Variants in TNRC6A observed in about 807,000 individuals in gnomAD.
The protein encoded by TNRC6A is trinucleotide repeat-containing gene 6A protein.
In TNRC6A, 44 loss-of-function variants were observed where a neutral mutation model predicts 221.2. That is an observed-to-expected ratio of 0.20 (90% CI 0.16 to 0.26). The LOEUF is 0.26. Ranked by LOEUF, TNRC6A falls within the 10% of genes least tolerant of loss-of-function variation. The pLI, the probability that TNRC6A is intolerant of heterozygous loss-of-function variation, is 1.00. For missense variants in TNRC6A, 2,199 were observed against 2,404.4 expected, an observed-to-expected ratio of 0.91 and a Z score of 1.79; for synonymous variants, 847 against 838.5, an observed-to-expected ratio of 1.01 and a Z score of -0.18.
At chr16:24,662,820 C>T (rs557698645) in intron 2 of TNRC6A, 14 of 153,714 alleles carry the variant, frequency 9.1e-5, no homozygotes, top group South Asian at 6.2e-4. Flanking sequence ...AACTCCTCGT[C>T]CTGGTTCTGG....
intron 1 of TNRC6A, among the ~76,000 whole-genome samples, chr16:24,627,889 G>A (rs1901113588): frequency 6.6e-6 from 1 of 150,420 alleles, no homozygotes; most frequent in Non-Finnish European, 1.5e-5. Context: ...AGTAGAGATG[G>A]GGTTTCATCG....
rs768726791 is a variant in TNRC6A at position 24,777,282 on chromosome 16, C to A, written c.513C>A (p.Ser171Arg). The A allele has an allele frequency of 6.2e-7, 1 of 1,614,106 alleles. No individual in the cohort carries two copies. The change falls in exon 5 of 25, where the codon AGC (serine) becomes AGA (arginine). Residue 171 changes from serine (S) to arginine (R), a missense_variant. Physicochemically the swap from Ser to Arg is moderately radical, Grantham distance 110. This residue lies in a region of TNRC6A where 1,405 missense variants were observed against 1,400.2 expected (regional missense o/e 1.00). Transcript: ENST00000395799. ...GATCTGCTGTTAAGGTGTTAAACAGCCAGTCAGAAAGCAGTGCTTTAACAA... is the reference window on the plus strand; with the variant it reads ...GATCTGCTGTTAAGGTGTTAAACAGACAGTCAGAAAGCAGTGCTTTAACAA... ...NLGSAVKVLN[S>R]QSESSALTNQ... is the part of the protein sequence containing the mutation.
intron 2 of TNRC6A, among the ~76,000 whole-genome samples, chr16:24,684,677 T>C (rs958186189): frequency 2.7e-5 from 4 of 150,804 alleles, no homozygotes; most frequent in African/African-American, 9.7e-5. Context: ...GAAGTGACAG[T>C]TGTCTTTAGT....
chr16:24,810,199 G>A (rs572894930), intron 18 of TNRC6A, among the ~76,000 whole-genome samples: 1 of 152,232 alleles, frequency 6.6e-6, no homozygotes, highest in East Asian at 1.9e-4. Flanking sequence ...GGATTTAACA[G>A]TATTGTCTTT....
intron 2 of TNRC6A, among the ~76,000 whole-genome samples, chr16:24,669,173 G>C (rs2055237185): frequency 6.6e-6 from 1 of 151,978 alleles, no homozygotes. Context: ...GATGAGTTTG[G>C]GAAAATCCTG....
chr16:24,638,409 C>G (rs9938715), intron 1 of TNRC6A, among the ~76,000 whole-genome samples: 67,230 of 151,276 alleles, frequency 0.44, 15,188 homozygotes, highest in Middle Eastern at 0.54. Context: ...AAAGCAAGAC[C>G]CTGTCTCAAA....
At chr16:24,768,096 T>C (rs2057511366) in intron 4 of TNRC6A, among the ~76,000 whole-genome samples, 1 of 152,154 alleles carries the variant, frequency 6.6e-6, no homozygotes, top group African/African-American at 2.4e-5. Flanking sequence ...TTTTATGTTA[T>C]GGAAGAGAGA....
At chr16:24,686,918 G>C (rs181120912) in intron 2 of TNRC6A, among the ~76,000 whole-genome samples, 1 of 152,170 alleles carries the variant, frequency 6.6e-6, no homozygotes, top group Non-Finnish European at 1.5e-5. Flanking sequence ...ATGGTTCGGA[G>C]TCTGCATTTG....
intron 4 of TNRC6A, among the ~76,000 whole-genome samples, chr16:24,772,611 C>T (rs2057635342): frequency 6.6e-6 from 1 of 152,102 alleles, no homozygotes; most frequent in South Asian, 2.1e-4. Flanking sequence ...GGCAAAACCC[C>T]ATCTCTACTA....
intron 3 of TNRC6A, among the ~76,000 whole-genome samples, chr16:24,752,588 G>T (rs2057162355): frequency 6.6e-6 from 1 of 152,188 alleles, no homozygotes; most frequent in South Asian, 2.1e-4. Context: ...AGTCTTTGCA[G>T]TCTGGTCGGT....
intron 2 of TNRC6A, among the ~76,000 whole-genome samples, chr16:24,687,123 G>A (rs999024471): frequency 2.6e-5 from 4 of 152,118 alleles, no homozygotes; most frequent in African/African-American, 7.2e-5. Flanking sequence ...GCTAACTCAC[G>A]GAACCCTGTG....
At chr16:24,770,500 A>G (rs1241489655) in intron 4 of TNRC6A, among the ~76,000 whole-genome samples, 1 of 152,140 alleles carries the variant, frequency 6.6e-6, no homozygotes, top group Non-Finnish European at 1.5e-5. Flanking sequence ...ATGCATTTGA[A>G]TTTGAGGTAT....
At chr16:24,778,278 A>C (rs759844667) in intron 5 of TNRC6A, 1 of 984,922 alleles carries the variant, frequency 1.0e-6, no homozygotes, top group African/African-American at 1.7e-5. Context: ...CACTTTCTAT[A>C]CCTGTGCTCT....
intron 20 of TNRC6A, among the ~76,000 whole-genome samples, chr16:24,818,326 A>G (rs934116029): frequency 2.0e-5 from 3 of 152,136 alleles, no homozygotes; most frequent in Non-Finnish European, 2.9e-5. Context: ...GCTGGACCCC[A>G]TTGCTAGAGC....
At chr16:24,705,383 G>T (rs961794965) in intron 2 of TNRC6A, among the ~76,000 whole-genome samples, 1 of 151,550 alleles carries the variant, frequency 6.6e-6, no homozygotes, top group Non-Finnish European at 1.5e-5. Flanking sequence ...CCAGGCTGGA[G>T]TGCAGTGGCA....
intron 1 of TNRC6A, among the ~76,000 whole-genome samples, chr16:24,637,513 A>G (rs1453699964): frequency 1.3e-5 from 2 of 152,220 alleles, no homozygotes; most frequent in Non-Finnish European, 2.9e-5. Context: ...GATTAAATGT[A>G]CAATATATTA....
chr16:24,748,253 C>T lies in TNRC6A; in HGVS notation c.54-2473C>T, dbSNP rs1310980354. 3.3e-5 allele frequency among the ~76,000 whole-genome samples: 5 copies of T among 152,186 alleles called. No homozygotes were observed. In the East Asian group the frequency reaches 9.6e-4, roughly 29 times the overall value. ...AGATTAAGTATTTTTAACTAGTAAT[C>T]AGCTTTTAATCTTGACTTCTGCATG... is the stretch of plus-strand genomic sequence containing the variant. On this transcript the variant is annotated intron_variant, in intron 2 of 24. Transcript: ENST00000395799.
intron 3 of TNRC6A, among the ~76,000 whole-genome samples, chr16:24,757,392 T>G (rs1398244416): frequency 6.6e-6 from 1 of 152,272 alleles, no homozygotes; most frequent in Non-Finnish European, 1.5e-5. Context: ...AAATGAATTA[T>G]GCCCCATGGC....
chr16:24,821,160 T>A (rs1178913229), intron 22 of TNRC6A, among the ~76,000 whole-genome samples: 1 of 152,246 alleles, frequency 6.6e-6, no homozygotes, highest in African/African-American at 2.4e-5. Flanking sequence ...GCCAAGCTGC[T>A]GAATGCAAGT....
Sources: allele counts gnomAD v4.1 joint callset (sites outside exome capture counted in the v4.1 genomes callset), GRCh38; gene constraint gnomAD v4.1.1; regional missense constraint gnomAD v4.1.1; transcripts MANE v1.5; gene names NCBI Gene and HGNC (gene_info 2026-07-23, HGNC 2026-07-21).